Variants in LMF1 observed in about 807,000 individuals in gnomAD.
LMF1 encodes transmembrane protein 112.
LMF1 carries 68 observed loss-of-function variants against 60.6 expected under a neutral mutation model. That is an observed-to-expected ratio of 1.12 (90% CI 0.92 to 1.37). The LOEUF is 1.37. Ranked by LOEUF, LMF1 falls within the 40% of genes most tolerant of loss-of-function variation. The pLI is 0.00. For missense variants in LMF1, 948 were observed against 767.2 expected (o/e 1.24, Z -2.78); for synonymous variants, 418 against 324.7 (o/e 1.29, Z -3.09).
chr16:863,914 T>A (rs534145383), intron 10 of LMF1, among the ~76,000 whole-genome samples: 16 of 152,374 alleles, frequency 1.1e-4, no homozygotes, highest in Middle Eastern at 3.4e-3. Flanking sequence ...CCAGAAAATG[T>A]GACATGTCAT....
At chr16:876,432 C>A (rs2069977326) in intron 6 of LMF1, among the ~76,000 whole-genome samples, 1 of 152,156 alleles carries the variant, frequency 6.6e-6, no homozygotes, top group Non-Finnish European at 1.5e-5. Context: ...ATGAGCAACA[C>A]TGCGAATGGC....
At chr16:888,535 A>G (rs1249309400) in intron 5 of LMF1, among the ~76,000 whole-genome samples, 1 of 152,222 alleles carries the variant, frequency 6.6e-6, no homozygotes, top group Non-Finnish European at 1.5e-5. Context: ...TTTCCATTTC[A>G]GCAGCTAGTG....
intron 10 of LMF1, among the ~76,000 whole-genome samples, chr16:861,451 C>T (rs1216625599): frequency 4.0e-5 from 6 of 150,686 alleles, no homozygotes; most frequent in South Asian, 2.1e-4. Context: ...TCTGCCTCCC[C>T]GGTACAAGCA....
At chr16:974,630 C>T (rs936169449), upstream of LMF1, among the ~76,000 whole-genome samples, 32 of 152,328 alleles carry the variant, frequency 2.1e-4, no homozygotes, top group Admixed American at 1.2e-3. Flanking sequence ...CTGTCCCCGC[C>T]GTCCCGGCCT....
chr16:933,801 C>G, intron 3 of LMF1: 1 of 438,482 alleles, frequency 2.3e-6, no homozygotes, highest in South Asian at 2.0e-5. Context: ...GTATTGACTG[C>G]GTTGTGTGGG....
At chr16:932,323 C>T (rs1018163589) in intron 3 of LMF1, among the ~76,000 whole-genome samples, 2 of 152,232 alleles carry the variant, frequency 1.3e-5, no homozygotes, top group Non-Finnish European at 2.9e-5. Context: ...GCCTCGCAGG[C>T]CCATCTCTCA....
chr16:859,600 GC>G (rs748049794), intron 10 of LMF1, among the ~76,000 whole-genome samples: 1 of 1,918 alleles, frequency 5.2e-4, no homozygotes, highest in Non-Finnish European at 1.3e-3. Context: ...GGACGGGTGT[GC>G]AGTGGTGTCT....
At position 870,824 on chromosome 16, in the gene LMF1, G is replaced by A. The variant is rs200940009; in HGVS notation, c.1137C>T (p.Ser379=). Residue 379 remains serine (S), a synonymous_variant, in exon 8 of 11, where the codon AGC becomes AGT. Coordinates refer to ENST00000262301, the MANE Select transcript of LMF1 (RefSeq NM_022773.4). The part of the protein sequence containing the change: ...VSLGVLLAWL[S]VPVVLNLLSS... ...TCAGCAAGTTGAGGACCACGGGCAC[G>A]CTGAGCCAGGCCAGCAGGACGCCCA... is the stretch of plus-strand genomic sequence containing the variant. 4.4e-5 allele frequency: 71 copies of A among 1,612,268 alleles called. No homozygotes were observed. The Admixed American group carries it at 6.3e-4, about 14-fold the overall frequency.
At chr16:945,160 G>C (rs979232614) in intron 2 of LMF1, among the ~76,000 whole-genome samples, 6 of 136,346 alleles carry the variant, frequency 4.4e-5, no homozygotes, top group African/African-American at 1.2e-4. Context: ...GCAATGGACC[G>C]AGTTCGCACC....
intron 10 of LMF1, among the ~76,000 whole-genome samples, chr16:857,461 CTCGGG>C (rs1397475924): frequency 1.2e-4 from 17 of 144,270 alleles, no homozygotes; most frequent in African/African-American, 2.7e-4. Context: ...TGAGTGGTGT[CTCGGG>C]ACGGGTGTGA....
intron 2 of LMF1, among the ~76,000 whole-genome samples, chr16:951,557 C>T (rs746490531): frequency 1.4e-4 from 22 of 152,340 alleles, no homozygotes; most frequent in South Asian, 6.2e-4. Context: ...TGGCTCTCTC[C>T]GTCATAAATG....
intron 1 of LMF1, among the ~76,000 whole-genome samples, chr16:958,546 G>C (rs948968988): frequency 6.6e-6 from 1 of 152,212 alleles, no homozygotes; most frequent in Admixed American, 6.5e-5. Context: ...GAAAACCACA[G>C]CGTGCTGTCA....
In LMF1 at chr16:888,502, G is replaced by A. The variant is rs960968832; in HGVS notation, c.729+4505C>T. Among the ~76,000 whole-genome samples, 4 of 151,968 alleles carry A rather than the reference G, an allele frequency of 2.6e-5. No individual in the cohort carries two copies. The South Asian group carries it at 6.2e-4, about 24-fold the overall frequency. The stretch of plus-strand genomic sequence containing the variant: ...ACAGCTGACTTCCTAAAACCCAAGT[G>A]GAGAGAGAGGACAGGCCCGGATTTT... On this transcript the variant is annotated intron_variant, in intron 5 of 10. Coordinates refer to ENST00000262301, the MANE Select transcript of LMF1 (RefSeq NM_022773.4).
chr16:934,303 C>A (rs780084093), intron 2 of LMF1, 49 bp from the exon 3 acceptor site: 3 of 1,597,572 alleles, frequency 1.9e-6, no homozygotes, highest in Non-Finnish European at 2.5e-6. Flanking sequence ...CTTGTTTCAA[C>A]CAAAAACCCA....
At chr16:908,642 G>A (rs1481662520) in intron 4 of LMF1, among the ~76,000 whole-genome samples, 2 of 152,226 alleles carry the variant, frequency 1.3e-5, no homozygotes, top group East Asian at 1.9e-4. Flanking sequence ...ACCTGGCCTC[G>A]TGGACAGAGG....
intron 3 of LMF1, among the ~76,000 whole-genome samples, chr16:914,824 T>TTGGTGA (rs1567231549): frequency 1.6e-5 from 2 of 121,570 alleles, no homozygotes; most frequent in Admixed American, 8.4e-5. Flanking sequence ...CCCATGACCA[T>TTGGTGA]CTCCCTCTCT....
intron 3 of LMF1, among the ~76,000 whole-genome samples, chr16:916,061 G>C (rs914192442): frequency 3.3e-5 from 5 of 152,184 alleles, no homozygotes; most frequent in African/African-American, 1.2e-4. Context: ...AGGGATGAGG[G>C]GCCAGTGGGT....
At chr16:949,660 C>A (rs1435176955) in intron 2 of LMF1, among the ~76,000 whole-genome samples, 1 of 82,788 alleles carries the variant, frequency 1.2e-5, no homozygotes. Context: ...AGAGTCAGAG[C>A]CAACGACAGA....
rs1419056185 is a variant in LMF1, at chr16:962,494, C to T, written c.194-7828G>A. ...GCACACCTGGCAGGCAGACCTTGGC[C>T]GGGTGATCAGAAAGCCGTGCGGACG... is the stretch of plus-strand genomic sequence containing the variant. On this transcript the variant is annotated intron_variant, in intron 1 of 10. Transcript: ENST00000262301. This position sits in a 1 kb window ranked among gnomAD's most constrained non-coding sequence, Gnocchi z 4.5. 3.3e-5 allele frequency among the ~76,000 whole-genome samples: 5 copies of T among 152,166 alleles called. No homozygotes were observed. The highest frequency in any genetic ancestry group is 4.1e-4 in the South Asian group (2 of 4,828).
Sources: gnomAD v4.1 joint callset for allele counts (sites outside exome capture counted in the v4.1 genomes callset) on GRCh38, gnomAD v4.1.1 for gene constraint, Gnocchi (gnomAD v3.1) non-coding constraint, MANE v1.5 for transcripts, NCBI Gene and HGNC (gene_info 2026-07-23, HGNC 2026-07-21) for gene names.